CCSER1: variants seen among roughly 807,000 people sequenced by gnomAD.
CCSER1 encodes the protein coiled-coil serine rich protein 1, also known as serine-rich coiled-coil domain-containing protein 1.
A neutral mutation model predicts 82.0 loss-of-function variants in CCSER1; 41 were observed. That is an observed-to-expected ratio of 0.50 (90% CI 0.39 to 0.65). The LOEUF (loss-of-function observed/expected upper bound fraction) is 0.65. Ranked by LOEUF, CCSER1 falls within the 30% of genes least tolerant of loss-of-function variation. The probability of loss-of-function intolerance (pLI) is 0.00; values close to 1 mark genes in which losing one functional copy is unlikely to be tolerated. For missense variants in CCSER1, 1,119 were observed against 1,064.2 expected (o/e 1.05, Z -0.72); for synonymous variants, 414 against 383.9 (o/e 1.08, Z -0.92).
intron 10 of CCSER1, among the ~76,000 whole-genome samples, chr4:91,212,416 A>C (rs7696387): frequency 2.0e-5 from 3 of 151,596 alleles, no homozygotes; most frequent in Admixed American, 2.0e-4. Flanking sequence ...GCCATCCCTC[A>C]GTGTTTCAGC....
At chr4:90,425,396 C>G (rs1375743341) in intron 4 of CCSER1, among the ~76,000 whole-genome samples, 1 of 152,016 alleles carries the variant, frequency 6.6e-6, no homozygotes, top group Non-Finnish European at 1.5e-5. Flanking sequence ...CAGTTTCTTC[C>G]TTGTAGCCAT....
intron 5 of CCSER1, among the ~76,000 whole-genome samples, chr4:90,561,816 T>C (rs10022330): frequency 0.071 from 10,795 of 152,234 alleles, 1,104 homozygotes; most frequent in African/African-American, 0.22. Context: ...TACATAACTA[T>C]TTTTACTTTA....
intron 10 of CCSER1, among the ~76,000 whole-genome samples, chr4:91,518,733 A>G (rs1760284842): frequency 6.6e-6 from 1 of 152,180 alleles, no homozygotes; most frequent in Non-Finnish European, 1.5e-5. Context: ...ACCAAGAGAA[A>G]CAGGAGCAGA....
chr4:91,497,456 A>G (rs1366899711), intron 10 of CCSER1, among the ~76,000 whole-genome samples: 1 of 151,830 alleles, frequency 6.6e-6, no homozygotes, highest in African/African-American at 2.4e-5. Flanking sequence ...AAATGTTAAT[A>G]AAACAAAAAT....
chr4:90,888,515 C>G (rs1722487180), intron 8 of CCSER1, among the ~76,000 whole-genome samples: 1 of 151,672 alleles, frequency 6.6e-6, no homozygotes. Context: ...TTATATATAA[C>G]AATTTGATAA....
intron 1 of CCSER1, among the ~76,000 whole-genome samples, chr4:90,232,402 G>T (rs1442320954): frequency 6.6e-6 from 1 of 151,644 alleles, no homozygotes; most frequent in Admixed American, 6.6e-5. Flanking sequence ...AATGGTGCTA[G>T]GAAAACTGGC....
At chr4:91,279,382 TA>T (rs1384191559) in intron 10 of CCSER1, among the ~76,000 whole-genome samples, 1 of 152,172 alleles carries the variant, frequency 6.6e-6, no homozygotes, top group Non-Finnish European at 1.5e-5. Context: ...AAAATTAGAA[TA>T]TTTGGTGGAC....
intron 5 of CCSER1, among the ~76,000 whole-genome samples, chr4:90,533,294 A>G (rs1403395375): frequency 1.3e-5 from 2 of 151,500 alleles, no homozygotes; most frequent in Non-Finnish European, 2.9e-5. Context: ...ACGGGGTTTC[A>G]CCGTGTTAGC....
At chr4:90,307,512 A>C (rs1191153385) in intron 1 of CCSER1, among the ~76,000 whole-genome samples, 2 of 71,190 alleles carry the variant, frequency 2.8e-5, no homozygotes, top group Admixed American at 2.0e-4. Context: ...GGGTGGGGGG[A>C]GGGGGGAGGG....
chr4:90,750,260 G>C (rs1748376075), intron 7 of CCSER1, among the ~76,000 whole-genome samples: 1 of 152,102 alleles, frequency 6.6e-6, no homozygotes, highest in East Asian at 1.9e-4. Context: ...CGCTCTGATG[G>C]TAGTTTCTTT....
chr4:91,598,639 C>T lies in CCSER1; in HGVS notation c.2285C>T (p.Pro762Leu), dbSNP rs1443176368. 6.4e-7 allele frequency: 1 copy of T among 1,551,256 alleles called. No homozygotes were observed. Among genetic ancestry groups the T allele is most frequent in the African/African-American group, 1.4e-5 (1 of 72,952 alleles). The change falls in exon 11 of 11, where the codon CCC becomes CTC. Residue 762 changes from proline to leucine, a missense_variant. Coordinates refer to ENST00000509176, the MANE Select transcript of CCSER1 (RefSeq NM_001145065.2). ...STRDRKAIHT[P>L]TEDRFRYSAA... is the part of the protein sequence containing the mutation. ...AGGGACAGAAAAGCAATACATACTCCCACCGAGGACCGTTTTAGGTATTCG... is the reference window on the plus strand; with the variant it reads ...AGGGACAGAAAAGCAATACATACTCTCACCGAGGACCGTTTTAGGTATTCG...
intron 3 of CCSER1, among the ~76,000 whole-genome samples, chr4:90,387,770 G>C (rs1490038342): frequency 6.6e-6 from 1 of 152,044 alleles, no homozygotes; most frequent in African/African-American, 2.4e-5. Flanking sequence ...ATAGGTCCTG[G>C]GTACAACAGA....
chr4:90,152,497 C>T (rs1727049254), intron 1 of CCSER1, among the ~76,000 whole-genome samples: 1 of 152,168 alleles, frequency 6.6e-6, no homozygotes, highest in Middle Eastern at 3.4e-3. Flanking sequence ...CTTATGTGTA[C>T]TGTTGGGGAT....
chr4:90,452,458 A>G (rs1420710728), intron 4 of CCSER1, among the ~76,000 whole-genome samples: 2 of 152,218 alleles, frequency 1.3e-5, no homozygotes, highest in African/African-American at 2.4e-5. Flanking sequence ...GTTATTCCCC[A>G]TGGTTAACTT....
intron 10 of CCSER1, among the ~76,000 whole-genome samples, chr4:91,124,847 A>T (rs1161011644): frequency 1.3e-5 from 2 of 151,696 alleles, no homozygotes; most frequent in East Asian, 3.9e-4. Context: ...TGAGAGAGTC[A>T]AAGTCTTTTT....
chr4:91,223,474 C>G (rs1737912878), intron 10 of CCSER1, among the ~76,000 whole-genome samples: 1 of 151,960 alleles, frequency 6.6e-6, no homozygotes, highest in African/African-American at 2.4e-5. Flanking sequence ...AGGAAGAAAT[C>G]AGTAAGTGCT....
Position 91,032,130 on chromosome 4 carries a change from T to TA in CCSER1, c.2173-53820_2173-53819insA, listed in dbSNP as rs539013201. ...ACAAAAATGTGCTTTTTTGCATAAC[T>TA]TTACATATTGTTTTAATAATATACT... is the stretch of plus-strand genomic sequence containing the variant. On this transcript the variant is annotated intron_variant, in intron 9 of 10. Coordinates refer to ENST00000509176, the MANE Select transcript of CCSER1 (RefSeq NM_001145065.2). Among the ~76,000 whole-genome samples, 15 of 152,234 alleles carry TA rather than the reference T, an allele frequency of 9.9e-5. No individual in the cohort carries two copies. The South Asian group carries it at 3.1e-3, about 32-fold the overall frequency.
intron 1 of CCSER1, among the ~76,000 whole-genome samples, chr4:90,254,832 T>A (rs1298031079): frequency 6.6e-6 from 1 of 152,144 alleles, no homozygotes; most frequent in Non-Finnish European, 1.5e-5. Flanking sequence ...TAGGGAAACT[T>A]CCTGATAATT....
chr4:91,121,735 A>G (rs1481278422), intron 10 of CCSER1, among the ~76,000 whole-genome samples: 2 of 151,612 alleles, frequency 1.3e-5, no homozygotes. Context: ...CTTTCCTTTA[A>G]AAAGAAAGTA....
Sources: allele counts gnomAD v4.1 joint callset (sites outside exome capture counted in the v4.1 genomes callset), GRCh38; gene constraint gnomAD v4.1.1; transcripts MANE v1.5; gene names NCBI Gene and HGNC (gene_info 2026-07-23, HGNC 2026-07-21).